PREX2: variants seen among roughly 807,000 people sequenced by gnomAD.
PREX2 encodes the protein phosphatidylinositol-3,4,5-trisphosphate dependent Rac exchange factor 2.
Under a neutral mutation model 203.2 loss-of-function variants are expected in PREX2, and 107 were observed. The observed-to-expected ratio is 0.53, with a 90% CI of 0.45 to 0.62. PREX2 has a LOEUF of 0.62. Among genes scored for constraint, PREX2 ranks in the 20% least tolerant of loss-of-function variants. The pLI is 0.00. For synonymous variants in PREX2, 672 were observed against 663.6 expected (o/e 1.01, Z -0.19); for missense variants, 1,777 against 1,955.9 (o/e 0.91, Z 1.72).
rs1473250450 is a variant in PREX2, at chr8:68,038,360, G to C, written c.839+68G>C. 11 of 1,513,264 alleles carry C rather than the reference G, an allele frequency of 7.3e-6. No individual in the cohort carries two copies. In the African/African-American group the frequency reaches 1.2e-4, roughly 17 times the overall value. 93.7% of individuals were successfully genotyped at this position (1,513,264 alleles called of 1,614,324 possible). A position where few individuals can be genotyped will look rare whatever the true frequency, so the allele number is the denominator to read the frequency against. On this transcript the variant is annotated intron_variant, in intron 7 of 39. Transcript: ENST00000288368. ...TCTACCTTTCCCTCTGTGCTTCCCA[G>C]AACTCATCTATCCAGCTCACAGTTT...
At chr8:68,063,608 T>C (rs1341671076) in intron 11 of PREX2, among the ~76,000 whole-genome samples, 5 of 152,176 alleles carry the variant, frequency 3.3e-5, no homozygotes. Flanking sequence ...GTAGCTAGTG[T>C]TAACTAGTGG....
intron 11 of PREX2, 103 bp from the exon 12 acceptor site, chr8:68,068,930 A>T (rs1014952034): frequency 2.1e-6 from 1 of 466,940 alleles, no homozygotes; most frequent in East Asian, 3.6e-5. Context: ...TGTAAAACTA[A>T]AAGTTTTAGT....
intron 37 of PREX2, among the ~76,000 whole-genome samples, chr8:68,210,183 G>A (rs908606894): frequency 1.3e-5 from 2 of 152,014 alleles, no homozygotes; most frequent in Non-Finnish European, 2.9e-5. Flanking sequence ...TCCCACCCTC[G>A]ATTTTAAAAA....
chr8:68,000,512 T>C (rs547409446), intron 1 of PREX2, among the ~76,000 whole-genome samples: 1 of 152,272 alleles, frequency 6.6e-6, no homozygotes, highest in East Asian at 1.9e-4. Flanking sequence ...CATTTAAACG[T>C]CCATACTGCC....
At chr8:68,150,265 G>A (rs1021008182) in intron 34 of PREX2, among the ~76,000 whole-genome samples, 6 of 152,156 alleles carry the variant, frequency 3.9e-5, no homozygotes, top group Non-Finnish European at 1.5e-5. Flanking sequence ...TCTGGATGGG[G>A]GAGGGGATAA....
intron 35 of PREX2, among the ~76,000 whole-genome samples, chr8:68,187,420 C>A: frequency 6.6e-6 from 1 of 152,130 alleles, no homozygotes; most frequent in East Asian, 1.9e-4. Context: ...TAAAAATTGT[C>A]CAATGATGCT....
intron 33 of PREX2, among the ~76,000 whole-genome samples, chr8:68,144,288 A>G (rs1811283190): frequency 1.3e-5 from 2 of 152,170 alleles, no homozygotes; most frequent in South Asian, 4.1e-4. Context: ...GGAAGAAATG[A>G]CACCTTGACA....
intron 31 of PREX2, 37 bp from the exon 32 acceptor site, chr8:68,134,021 AT>A: frequency 6.4e-7 from 1 of 1,559,718 alleles, no homozygotes; most frequent in Non-Finnish European, 8.8e-7. Context: ...CATCTGCAAC[AT>A]TTTTCGAAGC....
At chr8:68,145,872 G>A (rs962637984) in intron 33 of PREX2, among the ~76,000 whole-genome samples, 1 of 152,116 alleles carries the variant, frequency 6.6e-6, no homozygotes, top group Admixed American at 6.6e-5. Context: ...TGACTAAAAT[G>A]TGAATGAAGC....
intron 7 of PREX2, among the ~76,000 whole-genome samples, chr8:68,043,582 C>T (rs1585731920): frequency 6.6e-6 from 1 of 152,136 alleles, no homozygotes; most frequent in East Asian, 1.9e-4. Flanking sequence ...CATTATTTGA[C>T]TATATAAAAT....
In PREX2 at chr8:68,080,956, CAT is replaced by C. The variant is rs548754896; in HGVS notation, c.1878+120_1878+121del. 996 of 682,342 alleles carry C rather than the reference CAT, an allele frequency of 1.5e-3. 3 individuals are homozygous for C. The highest frequency in any genetic ancestry group is 2.2e-3 in the Non-Finnish European group (852 of 385,902). 42.3% of individuals were successfully genotyped at this position (682,342 alleles called of 1,614,324 possible). ...CAGCCTTGAAATTATCTTTATCAAACATAATGTCTCTGGATAATCTTACTCAC... is the reference window on the plus strand; with the variant it reads ...CAGCCTTGAAATTATCTTTATCAAACAATGTCTCTGGATAATCTTACTCAC... On this transcript the variant is annotated intron_variant, in intron 17 of 39. Coordinates refer to ENST00000288368, the MANE Select transcript of PREX2 (RefSeq NM_024870.4).
At chr8:68,135,674 C>G (rs1023550790) in intron 32 of PREX2, among the ~76,000 whole-genome samples, 4 of 152,034 alleles carry the variant, frequency 2.6e-5, no homozygotes, top group Non-Finnish European at 1.5e-5. Context: ...GGCAGTTCTT[C>G]AAAATATGAA....
At chr8:68,104,768 G>A (rs576162938) in intron 23 of PREX2, among the ~76,000 whole-genome samples, 112 of 152,314 alleles carry the variant, frequency 7.4e-4, no homozygotes, top group African/African-American at 1.9e-3. Flanking sequence ...CCAACATGCT[G>A]AGGGCAGTAC....
intron 23 of PREX2, among the ~76,000 whole-genome samples, chr8:68,107,507 T>A (rs1483263811): frequency 2.0e-5 from 3 of 152,186 alleles, no homozygotes; most frequent in African/African-American, 7.2e-5. Flanking sequence ...TCTCAAACCA[T>A]AAAGGCAGAG....
intron 1 of PREX2, among the ~76,000 whole-genome samples, chr8:67,996,375 A>T (rs559847875): frequency 1.4e-5 from 2 of 148,106 alleles, no homozygotes; most frequent in Admixed American, 6.8e-5. Flanking sequence ...TTTTTTTTTT[A>T]AATAAATGGA....
In PREX2 at chr8:68,008,324, A is replaced by C. The variant is rs191384508; in HGVS notation, c.142-9522A>C. Among the ~76,000 whole-genome samples the C allele has an allele frequency of 1.2e-4, 19 of 152,324 alleles. 1 individual carries two copies. In the East Asian group the frequency reaches 3.7e-3, roughly 29 times the overall value. Reference sequence around the variant, plus strand: ...CTAACCGTTTTAGTTACTTTATACGAATTCCCTTTAGGAATAGAGTATGAG... The same window carrying C: ...CTAACCGTTTTAGTTACTTTATACGCATTCCCTTTAGGAATAGAGTATGAG... On this transcript the variant is annotated intron_variant, in intron 1 of 39. Coordinates refer to ENST00000288368, the MANE Select transcript of PREX2 (RefSeq NM_024870.4).
intron 34 of PREX2, among the ~76,000 whole-genome samples, chr8:68,156,264 T>C (rs1811542581): frequency 6.6e-6 from 1 of 152,154 alleles, no homozygotes; most frequent in African/African-American, 2.4e-5. Flanking sequence ...AGGGTCTCGC[T>C]ATGTTGCCTA....
chr8:68,102,061 A>G (rs1262446594), intron 23 of PREX2, among the ~76,000 whole-genome samples: 1 of 152,214 alleles, frequency 6.6e-6, no homozygotes, highest in Non-Finnish European at 1.5e-5. Context: ...GAAGCTTTTA[A>G]GGCGCAGATG....
intron 37 of PREX2, among the ~76,000 whole-genome samples, chr8:68,208,714 T>C (rs747261851): frequency 2.6e-5 from 4 of 152,158 alleles, no homozygotes; most frequent in Non-Finnish European, 2.9e-5. Context: ...CTAATCTGCC[T>C]CAGGCTTTCC....
Sources: allele counts gnomAD v4.1 joint callset (sites outside exome capture counted in the v4.1 genomes callset), GRCh38; gene constraint gnomAD v4.1.1; transcripts MANE v1.5; gene names NCBI Gene and HGNC (gene_info 2026-07-23, HGNC 2026-07-21).